MTUS2: variants seen among roughly 807,000 people sequenced by gnomAD.
The protein encoded by MTUS2 is microtubule associated scaffold protein 2.
A neutral mutation model predicts 114.1 loss-of-function variants in MTUS2; 40 were observed. That is an observed-to-expected ratio of 0.35 (90% CI 0.27 to 0.46). The LOEUF is 0.46. Among genes scored for constraint, MTUS2 ranks in the 20% least tolerant of loss-of-function variants. The pLI, the probability that MTUS2 is intolerant of heterozygous loss-of-function variation, is 1.00. For missense variants in MTUS2, 1,679 were observed against 1,705.4 expected, an observed-to-expected ratio of 0.98 and a Z score of 0.27; for synonymous variants, 688 against 672.0, an observed-to-expected ratio of 1.02 and a Z score of -0.37.
rs528363456 is a variant in MTUS2, at chr13:29,309,573, C to G, written c.2807-15040C>G. Among the ~76,000 whole-genome samples, 36 of 152,198 alleles carry G rather than the reference C, an allele frequency of 2.4e-4. No individual in the cohort carries two copies. The South Asian group carries it at 6.4e-3, about 27-fold the overall frequency. ...CAAACCTGCACATCCTGCACATGTACTCCTGAACTTGAAGAACAAAATAAT... is the reference window on the plus strand; with the variant it reads ...CAAACCTGCACATCCTGCACATGTAGTCCTGAACTTGAAGAACAAAATAAT... On this transcript the variant is annotated intron_variant, in intron 6 of 15. Coordinates refer to ENST00000612955, the MANE Select transcript of MTUS2 (RefSeq NM_001033602.4).
At chr13:29,211,449 G>T (rs571114651) in intron 5 of MTUS2, among the ~76,000 whole-genome samples, 63 of 152,392 alleles carry the variant, frequency 4.1e-4, no homozygotes, top group African/African-American at 1.4e-3. Context: ...TGTACTCCCA[G>T]ATCACCTCCT....
At chr13:29,183,885 G>A (rs552073164) in intron 5 of MTUS2, among the ~76,000 whole-genome samples, 1 of 152,108 alleles carries the variant, frequency 6.6e-6, no homozygotes, top group African/African-American at 2.4e-5. Flanking sequence ...TTCCAGGTCT[G>A]TATAAAGGAA....
intron 6 of MTUS2, among the ~76,000 whole-genome samples, chr13:29,295,462 C>T (rs562778392): frequency 1.3e-5 from 2 of 152,280 alleles, no homozygotes; most frequent in African/African-American, 4.8e-5. Context: ...CACTATTCTA[C>T]TCTCTCCTTC....
At chr13:29,073,408 A>G (rs796558670) in intron 4 of MTUS2, among the ~76,000 whole-genome samples, 8 of 152,322 alleles carry the variant, frequency 5.3e-5, no homozygotes, top group African/African-American at 1.7e-4. Context: ...AACTTTGACT[A>G]GTTTCTCTTT....
intron 5 of MTUS2, among the ~76,000 whole-genome samples, chr13:29,157,116 G>T (rs1892894021): frequency 6.6e-6 from 1 of 152,000 alleles, no homozygotes; most frequent in Non-Finnish European, 1.5e-5. Flanking sequence ...TGCATTCTCT[G>T]CCATGCTCGT....
intron 5 of MTUS2, among the ~76,000 whole-genome samples, chr13:29,197,310 A>G (rs891134248): frequency 2.6e-5 from 4 of 152,058 alleles, no homozygotes; most frequent in African/African-American, 9.7e-5. Context: ...TATGAGTGAG[A>G]ACATGCGGTG....
At chr13:29,177,087 G>A (rs996729932) in intron 5 of MTUS2, among the ~76,000 whole-genome samples, 1 of 151,116 alleles carries the variant, frequency 6.6e-6, no homozygotes, top group Non-Finnish European at 1.5e-5. Flanking sequence ...TCTCTTGATG[G>A]CCACCCATGT....
At chr13:29,442,157 GC>G (rs1877934390) in intron 9 of MTUS2, among the ~76,000 whole-genome samples, 1 of 152,090 alleles carries the variant, frequency 6.6e-6, no homozygotes, top group Non-Finnish European at 1.5e-5. Context: ...CTTGGAGATG[GC>G]CCCTGATGAC....
At position 28,835,318 on chromosome 13, in the gene MTUS2, A is replaced by C. The variant is rs535558478; in HGVS notation, c.-315-4460A>C. The stretch of plus-strand genomic sequence containing the variant: ...TTATTCATACAATAGAATATTATTC[A>C]GCCATAAAAAGCAGTGAAGTACCGA... On this transcript the variant is annotated intron_variant, in intron 1 of 15. Coordinates refer to ENST00000612955, the MANE Select transcript of MTUS2 (RefSeq NM_001033602.4). 5.6e-4 allele frequency among the ~76,000 whole-genome samples: 85 copies of C among 152,370 alleles called. 1 individual carries two copies. The Middle Eastern group carries it at 0.01, about 18-fold the overall frequency.
At chr13:28,905,027 G>C (rs1326253603) in intron 2 of MTUS2, among the ~76,000 whole-genome samples, 1 of 151,594 alleles carries the variant, frequency 6.6e-6, no homozygotes, top group Non-Finnish European at 1.5e-5. Flanking sequence ...TTGTGAATGG[G>C]AGTTCACTCA....
At chr13:28,926,109 C>A (rs191033029) in intron 2 of MTUS2, among the ~76,000 whole-genome samples, 8 of 152,272 alleles carry the variant, frequency 5.3e-5, no homozygotes, top group African/African-American at 1.7e-4. Context: ...TTTTCCTCAG[C>A]TTCTCATTAT....
chr13:29,460,441 TG>T lies in MTUS2; in HGVS notation c.3185-19708del, dbSNP rs560950852. Among the ~76,000 whole-genome samples the T allele has an allele frequency of 5.9e-5, 9 of 151,966 alleles. No individual in the cohort carries two copies. The South Asian group carries it at 1.9e-3, about 32-fold the overall frequency. ...AGCGCAGGCATCAGCAACTTGTTCT[TG>T]TTTTTCAGCTCTCTCCTCCTGACAG... On this transcript the variant is annotated intron_variant, in intron 9 of 15. Coordinates refer to ENST00000612955, the MANE Select transcript of MTUS2 (RefSeq NM_001033602.4).
In MTUS2 at chr13:29,480,462, G is replaced by A; in HGVS notation, c.3399+98G>A. The stretch of plus-strand genomic sequence containing the variant: ...ATTAGCAAGAAGTCCTATTCAGTAG[G>A]TGAGCTTTCTGAACAGTTCACTTTC... On this transcript the variant is annotated intron_variant, in intron 10 of 15. Coordinates refer to ENST00000612955, the MANE Select transcript of MTUS2 (RefSeq NM_001033602.4). This position sits in a 1 kb window ranked among gnomAD's most constrained non-coding sequence, Gnocchi z 4.4. 7.8e-7 allele frequency: 1 copy of A among 1,289,050 alleles called. No individual in the cohort carries two copies. Among genetic ancestry groups the A allele is most frequent in the Non-Finnish European group, 1.0e-6 (1 of 957,536 alleles). 79.9% of individuals were successfully genotyped at this position (1,289,050 alleles called of 1,614,324 possible). A position where few individuals can be genotyped will look rare whatever the true frequency, so the allele number is the denominator to read the frequency against.
intron 8 of MTUS2, among the ~76,000 whole-genome samples, chr13:29,425,434 A>T (rs1401335441): frequency 6.6e-6 from 1 of 152,228 alleles, no homozygotes; most frequent in Non-Finnish European, 1.5e-5. Flanking sequence ...CATACAAAAA[A>T]AAGAAAGAAA....
At position 29,025,168 on chromosome 13, in the gene MTUS2, A is replaced by G. The variant is rs1886461255; in HGVS notation, c.470A>G (p.His157Arg). ...AAAAGGGATGCTGAAATTCCCCGGC[A>G]TGTTCCCAAGGATAAACTGGCAAAG... ...LAKRDAEIPR[H>R]VPKDKLAKTL... The change falls in exon 3 of 16, where the codon CAT becomes CGT. Residue 157 changes from histidine (H) to arginine (R), a missense_variant. Transcript: ENST00000612955. 3.1e-6 allele frequency: 5 copies of G among 1,613,968 alleles called. No individual in the cohort carries two copies. The highest frequency in any genetic ancestry group is 1.1e-5 in the South Asian group (1 of 91,076).
At chr13:28,945,104 A>G (rs780427439) in intron 2 of MTUS2, among the ~76,000 whole-genome samples, 6 of 152,110 alleles carry the variant, frequency 3.9e-5, no homozygotes, top group Non-Finnish European at 8.8e-5. Flanking sequence ...TATTTCACTT[A>G]AGAAAATGGC....
chr13:28,982,922 G>A (rs1339112627), intron 2 of MTUS2, among the ~76,000 whole-genome samples: 3 of 152,170 alleles, frequency 2.0e-5, no homozygotes, highest in Admixed American at 6.5e-5. Flanking sequence ...TTTTAATTTT[G>A]CAAGGTGAAA....
chr13:29,231,338 A>G (rs1304918119), intron 5 of MTUS2, among the ~76,000 whole-genome samples: 2 of 152,208 alleles, frequency 1.3e-5, no homozygotes, highest in Non-Finnish European at 2.9e-5. Context: ...ACACAAAACT[A>G]AATACTTTCC....
At chr13:29,013,753 A>G (rs1885948792) in intron 2 of MTUS2, among the ~76,000 whole-genome samples, 1 of 147,628 alleles carries the variant, frequency 6.8e-6, no homozygotes, top group African/African-American at 2.5e-5. Context: ...GGCCAGCCTG[A>G]TACTTTGTTA....
Sources: allele counts gnomAD v4.1 joint callset (sites outside exome capture counted in the v4.1 genomes callset), GRCh38; gene constraint gnomAD v4.1.1; non-coding constraint Gnocchi (gnomAD v3.1); transcripts MANE v1.5; gene names NCBI Gene and HGNC (gene_info 2026-07-23, HGNC 2026-07-21).